The following PAPPA2 variants were observed in gnomAD, a reference collection of about 807,000 sequenced individuals.
PAPPA2 encodes the protein pappalysin-2.
PAPPA2 carries 86 observed loss-of-function variants against 176.4 expected under a neutral mutation model. The observed-to-expected ratio is 0.49, with a 90% confidence interval of 0.41 to 0.58. PAPPA2 has a LOEUF of 0.58. PAPPA2 is among the 20% of genes least tolerant of loss of function. PAPPA2 has a pLI of 0.00. For synonymous variants in PAPPA2, 809 were observed against 852.2 expected, an observed-to-expected ratio of 0.95 and a Z score of 0.88; for missense variants, 2,073 against 2,256.9, an observed-to-expected ratio of 0.92 and a Z score of 1.65.
chr1:176,772,959 T>C (rs1025349045), intron 17 of PAPPA2, among the ~76,000 whole-genome samples: 1 of 152,042 alleles, frequency 6.6e-6, no homozygotes, highest in Non-Finnish European at 1.5e-5. Flanking sequence ...GAGAAATGTC[T>C]TAGGACCAGG....
At chr1:176,727,693 A>C (rs1661945746) in intron 12 of PAPPA2, among the ~76,000 whole-genome samples, 1 of 152,054 alleles carries the variant, frequency 6.6e-6, no homozygotes, top group Non-Finnish European at 1.5e-5. Context: ...TAAGATTTGA[A>C]GATCATTATC....
At chr1:176,649,458 T>C (rs1489047958) in intron 3 of PAPPA2, among the ~76,000 whole-genome samples, 1 of 151,358 alleles carries the variant, frequency 6.6e-6, no homozygotes, top group East Asian at 1.9e-4. Context: ...TTCTCCTAAT[T>C]TGAGGTTTGG....
intron 21 of PAPPA2, among the ~76,000 whole-genome samples, chr1:176,822,792 A>G (rs1291590713): frequency 6.6e-6 from 1 of 152,200 alleles, no homozygotes; most frequent in Non-Finnish European, 1.5e-5. Flanking sequence ...TTGATCTTTT[A>G]CTGGCCAGAG....
intron 21 of PAPPA2, among the ~76,000 whole-genome samples, chr1:176,803,684 C>G (rs1665778512): frequency 6.6e-6 from 1 of 152,162 alleles, no homozygotes; most frequent in African/African-American, 2.4e-5. Flanking sequence ...TCCTCCAGAC[C>G]TGTGCCCATC....
At chr1:176,627,777 A>T (rs1403216850) in intron 3 of PAPPA2, among the ~76,000 whole-genome samples, 1 of 152,168 alleles carries the variant, frequency 6.6e-6, no homozygotes, top group Non-Finnish European at 1.5e-5. Flanking sequence ...AGAGCCTGTG[A>T]AGGTCACCCA....
chr1:176,730,471 T>C (rs1662086865), intron 12 of PAPPA2, among the ~76,000 whole-genome samples: 1 of 152,096 alleles, frequency 6.6e-6, no homozygotes, highest in South Asian at 2.1e-4. Context: ...TTCTTGTGTA[T>C]ATTTTTGAAC....
intron 17 of PAPPA2, among the ~76,000 whole-genome samples, chr1:176,784,590 C>T (rs374215469): frequency 2.1e-5 from 3 of 142,338 alleles, no homozygotes; most frequent in Admixed American, 1.4e-4. Context: ...AGATGATTCT[C>T]TTTTTTTTTT....
chr1:176,815,734 A>C (rs1194050756), intron 21 of PAPPA2, among the ~76,000 whole-genome samples: 1 of 152,082 alleles, frequency 6.6e-6, no homozygotes, highest in East Asian at 1.9e-4. Flanking sequence ...CAAGATCTAC[A>C]CTGGTTCTGT....
intron 3 of PAPPA2, among the ~76,000 whole-genome samples, chr1:176,643,958 A>G (rs1485021167): frequency 6.6e-6 from 1 of 151,868 alleles, no homozygotes; most frequent in African/African-American, 2.4e-5. Flanking sequence ...AGGGACAGCC[A>G]GATGGTGGGA....
intron 12 of PAPPA2, among the ~76,000 whole-genome samples, chr1:176,739,203 C>A (rs1036633483): frequency 1.3e-5 from 2 of 152,094 alleles, no homozygotes; most frequent in Non-Finnish European, 2.9e-5. Flanking sequence ...GAACTTGGAA[C>A]CATTTAGAGC....
Position 176,594,807 on chromosome 1 carries a change from A to T in PAPPA2, c.1203A>T (p.Ala401=), listed in dbSNP as rs200011178. The T allele has an allele frequency of 2.4e-5, 38 of 1,614,208 alleles. No homozygotes were observed. The African/African-American group carries it at 3.2e-4, about 14-fold the overall frequency. The change falls in exon 3 of 23, where the codon GCA becomes GCT. Residue 401 remains alanine (A), a synonymous_variant. Transcript: ENST00000367662. ...GTCCCCTGAACAGCCCCTTCATGGC[A>T]TCTTGCCGCTCTTTGCTCCTGGGGG... ...QSGPLNSPFM[A]SCRSLLLGGD...
chr1:176,732,946 C>A (rs1245416369), intron 12 of PAPPA2, among the ~76,000 whole-genome samples: 1 of 152,080 alleles, frequency 6.6e-6, no homozygotes, highest in East Asian at 1.9e-4. Flanking sequence ...AAGAATATTG[C>A]CCCCCTGAGC....
intron 1 of PAPPA2, among the ~76,000 whole-genome samples, chr1:176,536,407 C>T (rs932926622): frequency 6.6e-6 from 1 of 152,184 alleles, no homozygotes; most frequent in African/African-American, 2.4e-5. Flanking sequence ...TTATACAAAA[C>T]CTCACTGACA....
intron 1 of PAPPA2, among the ~76,000 whole-genome samples, chr1:176,527,279 C>T (rs6676754): frequency 0.11 from 17,379 of 152,168 alleles, 1,435 homozygotes; most frequent in African/African-American, 0.23. Flanking sequence ...GTGACAGGCT[C>T]TATAGTGAGG....
At chr1:176,512,321 C>A (rs1648657615) in intron 1 of PAPPA2, among the ~76,000 whole-genome samples, 1 of 151,598 alleles carries the variant, frequency 6.6e-6, no homozygotes, top group African/African-American at 2.4e-5. Flanking sequence ...AATGGTACAC[C>A]AGTTTGGAAA....
intron 14 of PAPPA2, among the ~76,000 whole-genome samples, chr1:176,741,746 A>C (rs777164658): frequency 2.6e-5 from 4 of 152,194 alleles, no homozygotes; most frequent in Non-Finnish European, 5.9e-5. Context: ...AAGGTTAACT[A>C]GTTCATCTGC....
intron 4 of PAPPA2, among the ~76,000 whole-genome samples, chr1:176,686,394 A>G (rs1045358201): frequency 6.6e-6 from 1 of 152,194 alleles, no homozygotes; most frequent in Non-Finnish European, 1.5e-5. Flanking sequence ...TCACGAGAAC[A>G]GCATAAGGGA....
rs1667623863 is a variant in PAPPA2 at position 176,845,278 on chromosome 1, T to G, written c.*2824T>G. On this transcript the variant is annotated 3_prime_UTR_variant, in exon 23 of 23. Transcript: ENST00000367662. ...GGCTAGCTGGCTCTAACAACTAGCA[T>G]GACAGCCTCCAATCAGAAAGGCAGG... 1 of 152,190 alleles carries G rather than the reference T, an allele frequency of 6.6e-6. No individual in the cohort carries two copies. Among genetic ancestry groups the G allele is most frequent in the Non-Finnish European group, 1.5e-5 (1 of 68,038 alleles). The allele number at this position is 152,190 out of a possible 1,614,324, so 9.4% of individuals were successfully genotyped here.
chr1:176,639,025 T>G (rs1293553226), intron 3 of PAPPA2, among the ~76,000 whole-genome samples: 1 of 151,496 alleles, frequency 6.6e-6, no homozygotes, highest in East Asian at 2.0e-4. Context: ...AATACTTGGT[T>G]AATAGATCCT....
Sources: gnomAD v4.1 joint callset for allele counts (sites outside exome capture counted in the v4.1 genomes callset) on GRCh38, gnomAD v4.1.1 for gene constraint, MANE v1.5 for transcripts, NCBI Gene and HGNC (gene_info 2026-07-23, HGNC 2026-07-21) for gene names.